The following PYGL variants were observed in gnomAD, a reference collection of about 807,000 sequenced individuals.
PYGL encodes the protein glycogen phosphorylase, liver form.
In PYGL, 90 loss-of-function variants were observed where a neutral mutation model predicts 100.1. That is an observed-to-expected ratio of 0.90 (90% CI 0.76 to 1.07). The LOEUF (loss-of-function observed/expected upper bound fraction) is 1.07. Ranked by LOEUF, PYGL falls within the 50% of genes least tolerant of loss-of-function variation. The pLI, the probability that PYGL is intolerant of heterozygous loss-of-function variation, is 0.00. For synonymous variants in PYGL, 373 were observed against 393.0 expected (o/e 0.95, Z 0.60); for missense variants, 1,016 against 1,057.6 (o/e 0.96, Z 0.55).
intron 12 of PYGL, among the ~76,000 whole-genome samples, chr14:50,914,235 C>T (rs980198349): frequency 6.6e-6 from 1 of 152,140 alleles, no homozygotes; most frequent in Non-Finnish European, 1.5e-5. Flanking sequence ...ATGGCTCATG[C>T]CTGTATTCCC....
At chr14:50,935,305 G>A (rs1031205026) in intron 2 of PYGL, 120 bp from the exon 3 acceptor site, 33 of 809,364 alleles carry the variant, frequency 4.1e-5, no homozygotes, top group Non-Finnish European at 5.6e-5. Context: ...CTAATCTAGC[G>A]TCAGCTCCCT....
chr14:50,918,085 C>G (rs541981220), intron 7 of PYGL, among the ~76,000 whole-genome samples: 95 of 152,180 alleles, frequency 6.2e-4, no homozygotes, highest in African/African-American at 2.2e-3. Flanking sequence ...AAAAAATGCT[C>G]AATATCACTA....
intron 1 of PYGL, among the ~76,000 whole-genome samples, chr14:50,938,195 A>T (rs183736321): frequency 6.6e-6 from 1 of 152,188 alleles, no homozygotes; most frequent in African/African-American, 2.4e-5. Flanking sequence ...TAAGATATTT[A>T]AAAATATTTC....
At chr14:50,925,065 A>AAT (rs1421399671) in intron 4 of PYGL, among the ~76,000 whole-genome samples, 1 of 152,260 alleles carries the variant, frequency 6.6e-6, no homozygotes, top group Admixed American at 6.5e-5. Context: ...CAAACATCAC[A>AAT]GAGTGCACTT....
chr14:50,911,267 AGCCTCGT>A (rs2050394151), intron 16 of PYGL, among the ~76,000 whole-genome samples: 1 of 152,234 alleles, frequency 6.6e-6, no homozygotes, highest in South Asian at 2.1e-4. Flanking sequence ...GGCACATCTA[AGCCTCGT>A]GCTTTGGCAG....
chr14:50,929,744 C>A (rs1395650350), intron 4 of PYGL, among the ~76,000 whole-genome samples: 1 of 152,184 alleles, frequency 6.6e-6, no homozygotes, highest in African/African-American at 2.4e-5. Flanking sequence ...TTGTCCTGGA[C>A]ATGCCTGCTA....
At chr14:50,929,045 T>C (rs1488630296) in intron 4 of PYGL, among the ~76,000 whole-genome samples, 2 of 152,020 alleles carry the variant, frequency 1.3e-5, no homozygotes, top group South Asian at 2.1e-4. Context: ...TTTATCTTAT[T>C]TTATTTTATT....
In PYGL at chr14:50,944,175, C is replaced by A. The variant is rs1400133734; in HGVS notation, c.229G>T (p.Asp77Tyr). The change falls in exon 1 of 20, where the codon GAC becomes TAC. Residue 77 changes from aspartate (D) to tyrosine (Y), a missense_variant. Transcript: ENST00000216392. ...CCCCCGGTTACCTTGGGGCACTTGT[C>A]GTAGTAGTGCTGCTGCGTGCGGATC... is the stretch of plus-strand genomic sequence containing the variant. ...RWIRTQQHYY[D>Y]KCPKRVYYLS... 6.2e-7 allele frequency: 1 copy of A among 1,607,074 alleles called. No individual in the cohort carries two copies. Among genetic ancestry groups the A allele is most frequent in the Non-Finnish European group, 8.5e-7 (1 of 1,179,266 alleles).
rs768588903 is a variant in PYGL at position 50,911,840 on chromosome 14, A to T, written c.1859T>A (p.Ile620Asn). The change falls in exon 16 of 20, where the codon ATC (isoleucine) becomes AAC (asparagine). Residue 620 changes from isoleucine to asparagine, a missense_variant. Coordinates refer to ENST00000216392, the MANE Select transcript of PYGL (RefSeq NM_002863.5). Reference sequence around the variant, plus strand: ...TGCCACTGAAGTGATCAGCTTTATGATCATTTTGGCCATGTGATATCCTGG... The same window carrying T: ...TGCCACTGAAGTGATCAGCTTTATGTTCATTTTGGCCATGTGATATCCTGG... ...AAPGYHMAKM[I>N]IKLITSVADV... is the part of the protein sequence containing the mutation. 10 of 1,612,516 alleles carry T rather than the reference A, an allele frequency of 6.2e-6. No homozygotes were observed. The Admixed American group carries it at 1.7e-4, about 27-fold the overall frequency.
chr14:50,905,302 A>T lies in PYGL; in HGVS notation c.*90T>A. 2 of 1,319,888 alleles carry T rather than the reference A, an allele frequency of 1.5e-6. No individual in the cohort carries two copies. Among genetic ancestry groups the T allele is most frequent in the Non-Finnish European group, 2.2e-6 (2 of 918,628 alleles). The allele number at this position is 1,319,888 out of a possible 1,614,324, so 81.8% of individuals were successfully genotyped here. On this transcript the variant is annotated 3_prime_UTR_variant, in exon 20 of 20. Transcript: ENST00000216392. The stretch of plus-strand genomic sequence containing the variant: ...TCCCAGAGATACTCAACTATTATAG[A>T]TTATTAGCTAACAAAACAAAAACCA...
intron 4 of PYGL, among the ~76,000 whole-genome samples, chr14:50,926,741 A>C (rs1210034473): frequency 2.0e-5 from 3 of 150,278 alleles, no homozygotes; most frequent in Non-Finnish European, 4.4e-5. Flanking sequence ...AAAAAAAAAA[A>C]AAAAAAAAAA....
chr14:50,932,232 T>A (rs73286823), intron 3 of PYGL, among the ~76,000 whole-genome samples: 9,092 of 152,258 alleles, frequency 0.06, 395 homozygotes, highest in African/African-American at 0.12. Context: ...AGCAACTGAC[T>A]GACAAGATAT....
At chr14:50,930,928 T>TTA (rs1555327907) in intron 4 of PYGL, among the ~76,000 whole-genome samples, 1 of 132,058 alleles carries the variant, frequency 7.6e-6, no homozygotes, top group Non-Finnish European at 1.6e-5. Flanking sequence ...TTACCAGAGA[T>TTA]AAAAAAAAAA....
chr14:50,940,114 C>G (rs1432219734), intron 1 of PYGL, among the ~76,000 whole-genome samples: 1 of 152,216 alleles, frequency 6.6e-6, no homozygotes, highest in African/African-American at 2.4e-5. Context: ...AGTACCTTCT[C>G]TGGGGCAGAC....
intron 2 of PYGL, 81 bp from the exon 3 acceptor site, chr14:50,935,266 G>C: frequency 8.7e-7 from 1 of 1,143,290 alleles, no homozygotes; most frequent in Non-Finnish European, 1.3e-6. Flanking sequence ...TACAGCTCTG[G>C]GTAAAGGTAT....
chr14:50,933,801 C>T (rs1014395586), intron 3 of PYGL, among the ~76,000 whole-genome samples: 12 of 152,050 alleles, frequency 7.9e-5, no homozygotes, highest in African/African-American at 2.9e-4. Flanking sequence ...GAATATATAT[C>T]TTCCAGATCT....
At chr14:50,936,785 C>T (rs882860) in intron 2 of PYGL, among the ~76,000 whole-genome samples, 33,107 of 149,912 alleles carry the variant, frequency 0.22, 4,402 homozygotes, top group East Asian at 0.46. Context: ...GACGAGACTC[C>T]GTCTCAAAAA....
chr14:50,921,110 G>A (rs751027639), intron 5 of PYGL, 43 bp from the exon 6 acceptor site: 1 of 1,475,464 alleles, frequency 6.8e-7, no homozygotes. Context: ...TTTCCCAAGT[G>A]TGATGACATA....
intron 19 of PYGL, among the ~76,000 whole-genome samples, chr14:50,906,339 C>T (rs1012254194): frequency 2.6e-5 from 4 of 152,164 alleles, no homozygotes; most frequent in Non-Finnish European, 5.9e-5. Flanking sequence ...CCTTAAGGTA[C>T]AGCAAAACAG....
Sources: gnomAD v4.1 joint callset for allele counts (sites outside exome capture counted in the v4.1 genomes callset) on GRCh38, gnomAD v4.1.1 for gene constraint, MANE v1.5 for transcripts, NCBI Gene and HGNC (gene_info 2026-07-23, HGNC 2026-07-21) for gene names.